The following GRM5 variants were observed in gnomAD, a reference collection of about 807,000 sequenced individuals.
GRM5 encodes the protein metabotropic glutamate receptor 5.
A neutral mutation model predicts 83.1 loss-of-function variants in GRM5; 19 were observed. The observed-to-expected ratio is 0.23, with a 90% CI of 0.16 to 0.34. GRM5 has a LOEUF of 0.34. Ranked by LOEUF, GRM5 falls within the 10% of genes least tolerant of loss-of-function variation. GRM5 has a pLI of 1.00. For synonymous variants in GRM5, 675 were observed against 633.6 expected (o/e 1.07, Z -0.98); for missense variants, 1,160 against 1,588.3 (o/e 0.73, Z 4.58).
intron 9 of GRM5, among the ~76,000 whole-genome samples, chr11:88,517,941 T>A (rs1941567482): frequency 1.3e-5 from 2 of 152,112 alleles, no homozygotes; most frequent in Non-Finnish European, 2.9e-5. Context: ...TATATATGTC[T>A]ATTTACAAAA....
chr11:88,724,320 T>A (rs568655946), intron 3 of GRM5, among the ~76,000 whole-genome samples: 1 of 152,238 alleles, frequency 6.6e-6, no homozygotes, highest in South Asian at 2.1e-4. Context: ...TGCACTGACC[T>A]TTTCTCAGGA....
intron 3 of GRM5, among the ~76,000 whole-genome samples, chr11:88,666,083 C>A (rs1940036016): frequency 6.6e-6 from 1 of 152,034 alleles, no homozygotes. Context: ...CCCTTGAATT[C>A]TTTGCTAATT....
At chr11:88,769,466 AT>A (rs1418885754) in intron 3 of GRM5, among the ~76,000 whole-genome samples, 1 of 152,028 alleles carries the variant, frequency 6.6e-6, no homozygotes, top group Admixed American at 6.6e-5. Flanking sequence ...TTCTATTATT[AT>A]TTTCCAAAGA....
chr11:88,732,025 T>A (rs1941817992), intron 3 of GRM5, among the ~76,000 whole-genome samples: 1 of 152,014 alleles, frequency 6.6e-6, no homozygotes, highest in South Asian at 2.1e-4. Flanking sequence ...CTAGTGTCCT[T>A]TTCACTAATT....
chr11:88,618,016 A>T (rs981022790), intron 4 of GRM5, among the ~76,000 whole-genome samples: 7 of 152,214 alleles, frequency 4.6e-5, no homozygotes, highest in Non-Finnish European at 8.8e-5. Flanking sequence ...TCTGGTCAGC[A>T]TACCAACTTT....
chr11:88,585,326 T>G (rs1263878858), intron 7 of GRM5, among the ~76,000 whole-genome samples: 1 of 152,208 alleles, frequency 6.6e-6, no homozygotes, highest in Non-Finnish European at 1.5e-5. Flanking sequence ...CCCCAGCCAA[T>G]GAACCTAAGA....
intron 3 of GRM5, among the ~76,000 whole-genome samples, chr11:88,692,992 T>C (rs1940815154): frequency 6.6e-6 from 1 of 152,172 alleles, no homozygotes; most frequent in South Asian, 2.1e-4. Context: ...CCTGAATCAC[T>C]GCACTGAGTG....
At chr11:88,707,964 C>T (rs953024259) in intron 3 of GRM5, among the ~76,000 whole-genome samples, 5 of 152,040 alleles carry the variant, frequency 3.3e-5, no homozygotes, top group African/African-American at 9.7e-5. Flanking sequence ...AGATTATGGT[C>T]TTTCTTTTAT....
chr11:89,035,495 T>C (rs529140261), intron 2 of GRM5, among the ~76,000 whole-genome samples: 21 of 151,962 alleles, frequency 1.4e-4, no homozygotes, highest in African/African-American at 4.8e-4. Context: ...AACCAAGCAA[T>C]ATGAAGACAG....
intron 4 of GRM5, among the ~76,000 whole-genome samples, chr11:88,605,714 A>T (rs369149950): frequency 1.4e-4 from 22 of 152,350 alleles, no homozygotes; most frequent in Non-Finnish European, 3.2e-4. Context: ...TGGAGGTAAA[A>T]TCTATAGAGG....
intron 2 of GRM5, among the ~76,000 whole-genome samples, chr11:88,924,908 T>C (rs1219585544): frequency 6.6e-6 from 1 of 151,992 alleles, no homozygotes; most frequent in African/African-American, 2.4e-5. Flanking sequence ...TATATGTTTA[T>C]CAAAATATCA....
At chr11:88,992,816 A>G (rs913221245) in intron 2 of GRM5, among the ~76,000 whole-genome samples, 6 of 143,286 alleles carry the variant, frequency 4.2e-5, no homozygotes, top group East Asian at 2.3e-4. Flanking sequence ...GGATTGAACA[A>G]TGAGAACACT....
intron 2 of GRM5, among the ~76,000 whole-genome samples, chr11:88,991,349 A>G (rs1163812569): frequency 6.6e-6 from 1 of 152,012 alleles, no homozygotes; most frequent in East Asian, 1.9e-4. Flanking sequence ...ACCACTGCTC[A>G]AGGAAATAAA....
At position 88,576,368 on chromosome 11, in the gene GRM5, T is replaced by C. The variant is rs993711806; in HGVS notation, c.1691-8376A>G. Among the ~76,000 whole-genome samples the C allele has an allele frequency of 1.4e-4, 21 of 152,210 alleles. 1 individual carries two copies. Among genetic ancestry groups the C allele is most frequent in the African/African-American group, 4.8e-4 (20 of 41,458 alleles). On this transcript the variant is annotated intron_variant, in intron 7 of 9. Transcript: ENST00000305447. The stretch of plus-strand genomic sequence containing the variant: ...GTGTATTAGTATTGTCTCTTTGAAA[T>C]GGTAGATTTAGCAATTTGAGAGGAG...
intron 9 of GRM5, among the ~76,000 whole-genome samples, chr11:88,517,013 T>C (rs969813902): frequency 2.0e-5 from 3 of 152,058 alleles, no homozygotes; most frequent in Admixed American, 1.3e-4. Flanking sequence ...CAGATTAAGA[T>C]ATTTCCTTAA....
intron 5 of GRM5, among the ~76,000 whole-genome samples, chr11:88,599,595 G>A (rs1416692905): frequency 2.6e-5 from 4 of 152,106 alleles, no homozygotes; most frequent in African/African-American, 7.2e-5. Flanking sequence ...TCCAACAAAA[G>A]GAAAATAAAG....
intron 3 of GRM5, among the ~76,000 whole-genome samples, chr11:88,773,896 G>C (rs1480306821): frequency 6.6e-6 from 1 of 152,122 alleles, no homozygotes; most frequent in African/African-American, 2.4e-5. Flanking sequence ...GATGCCTCTA[G>C]CTTTGTTCTT....
intron 2 of GRM5, among the ~76,000 whole-genome samples, chr11:88,940,613 C>T (rs1458719897): frequency 2.6e-5 from 4 of 151,044 alleles, no homozygotes; most frequent in African/African-American, 7.3e-5. Context: ...CATTAAATTC[C>T]ATAAACATAT....
chr11:88,817,207 AAC>A (rs751911332), intron 3 of GRM5, among the ~76,000 whole-genome samples: 6 of 152,164 alleles, frequency 3.9e-5, no homozygotes, highest in African/African-American at 7.2e-5. Context: ...TTTTAGTAGA[AAC>A]ACATATGGAT....
Sources: allele counts gnomAD v4.1 joint callset (sites outside exome capture counted in the v4.1 genomes callset), GRCh38; gene constraint gnomAD v4.1.1; transcripts MANE v1.5; gene names NCBI Gene and HGNC (gene_info 2026-07-23, HGNC 2026-07-21).